The following STXBP5 variants were observed in gnomAD, a reference collection of about 807,000 sequenced individuals.
The protein encoded by STXBP5 is syntaxin-binding protein 5.
A neutral mutation model predicts 152.4 loss-of-function variants in STXBP5; 50 were observed. The ratio of observed to expected loss-of-function variants is 0.33; its 90% CI spans 0.26 to 0.42. The LOEUF (loss-of-function observed/expected upper bound fraction) is 0.42, where lower values mean the gene tolerates loss of function less well. Ranked by LOEUF, STXBP5 falls within the 10% of genes least tolerant of loss-of-function variation. The probability of loss-of-function intolerance (pLI) is 1.00; values close to 1 mark genes in which losing one functional copy is unlikely to be tolerated. For missense variants in STXBP5, 1,167 were observed against 1,388.6 expected (o/e 0.84, Z 2.54); for synonymous variants, 492 against 494.7 (o/e 0.99, Z 0.07).
intron 27 of STXBP5, 49 bp downstream of exon 27, chr6:147,383,047 G>C (rs1170658386): frequency 6.3e-7 from 1 of 1,580,844 alleles, no homozygotes; most frequent in South Asian, 1.1e-5. Flanking sequence ...GGTAAAGCAA[G>C]TGTGAATGTT....
chr6:147,298,532 T>C (rs1333085443), intron 9 of STXBP5, among the ~76,000 whole-genome samples: 9 of 152,084 alleles, frequency 5.9e-5, no homozygotes, highest in Non-Finnish European at 2.9e-5. Context: ...CAGATGCATA[T>C]TCTTCTGCAC....
chr6:147,212,689 C>T (rs572083595), intron 2 of STXBP5, among the ~76,000 whole-genome samples: 1 of 152,246 alleles, frequency 6.6e-6, no homozygotes, highest in South Asian at 2.1e-4. Context: ...CATACCATTG[C>T]GGCTCCCTCA....
chr6:147,317,642 A>AG (rs1431803931), intron 16 of STXBP5, among the ~76,000 whole-genome samples: 1 of 152,168 alleles, frequency 6.6e-6, no homozygotes, highest in African/African-American at 2.4e-5. Flanking sequence ...ATACCCATTG[A>AG]GGTTAAGCAG....
chr6:147,246,461 C>G (rs571178770), intron 4 of STXBP5, among the ~76,000 whole-genome samples: 1 of 152,132 alleles, frequency 6.6e-6, no homozygotes, highest in Admixed American at 6.5e-5. Context: ...GTTTGTAAAA[C>G]CTTTTCACAT....
intron 8 of STXBP5, among the ~76,000 whole-genome samples, chr6:147,282,219 C>T (rs1780735169): frequency 6.6e-6 from 1 of 152,020 alleles, no homozygotes; most frequent in Non-Finnish European, 1.5e-5. Context: ...ATTTATGATT[C>T]GTTTGGTGGA....
chr6:147,239,175 G>A lies in STXBP5; in HGVS notation c.336G>A (p.Ala112=), dbSNP rs775345899. 5.0e-6 allele frequency: 8 copies of A among 1,612,432 alleles called. No individual in the cohort carries two copies. Among genetic ancestry groups the A allele is most frequent in the South Asian group, 4.4e-5 (4 of 90,860 alleles). The stretch of plus-strand genomic sequence containing the variant: ...TGTTATACTTGATTTTTAAGGGAGC[G>A]CTTGTGAGTGCCTTGGCTGATGACA... ...IQLQFLINEG[A]LVSALADDTL... Residue 112 remains alanine, a synonymous_variant, in exon 4 of 28, where the codon GCG becomes GCA. Coordinates refer to ENST00000321680, the MANE Select transcript of STXBP5 (RefSeq NM_001127715.4).
intron 21 of STXBP5, among the ~76,000 whole-genome samples, chr6:147,347,162 C>A (rs1478619051): frequency 2.6e-5 from 4 of 152,048 alleles, no homozygotes; most frequent in East Asian, 3.8e-4. Flanking sequence ...TGTTTTAAAC[C>A]AATGATCTCA....
At chr6:147,219,151 G>A (rs188811557) in intron 2 of STXBP5, among the ~76,000 whole-genome samples, 1 of 152,206 alleles carries the variant, frequency 6.6e-6, no homozygotes, top group Non-Finnish European at 1.5e-5. Context: ...GTGTTTATCT[G>A]GAATGAGTGT....
At chr6:147,347,373 C>CA (rs143046913) in intron 21 of STXBP5, among the ~76,000 whole-genome samples, 11,860 of 152,084 alleles carry the variant, frequency 0.078, 1,231 homozygotes, top group East Asian at 0.29. Flanking sequence ...AGGAATACAG[C>CA]AGTCATTTTT....
In STXBP5 at chr6:147,349,023, A is replaced by G. The variant is rs1361916699; in HGVS notation, c.2255-4300A>G. On this transcript the variant is annotated intron_variant, in intron 21 of 27. Coordinates refer to ENST00000321680, the MANE Select transcript of STXBP5 (RefSeq NM_001127715.4). ...TGTTTCTTTATTGTCCAAATTTGCT[A>G]TGAAAACACATAATTCAAAATAACT... Among the ~76,000 whole-genome samples, 5 of 152,162 alleles carry G rather than the reference A, an allele frequency of 3.3e-5. No individual in the cohort carries two copies. The East Asian group carries it at 9.6e-4, about 29-fold the overall frequency.
intron 23 of STXBP5, among the ~76,000 whole-genome samples, chr6:147,359,566 C>T (rs1335655732): frequency 6.6e-6 from 1 of 151,018 alleles, no homozygotes; most frequent in South Asian, 2.1e-4. Context: ...CCCACTAACT[C>T]GTCATCTAGC....
At chr6:147,272,285 A>G (rs192782210) in intron 7 of STXBP5, among the ~76,000 whole-genome samples, 1 of 152,202 alleles carries the variant, frequency 6.6e-6, no homozygotes, top group Non-Finnish European at 1.5e-5. Context: ...AAACTGGAAA[A>G]AAAATTATAA....
intron 4 of STXBP5, among the ~76,000 whole-genome samples, chr6:147,257,477 C>A (rs1366128143): frequency 6.6e-6 from 1 of 151,700 alleles, no homozygotes; most frequent in African/African-American, 2.4e-5. Context: ...CTAATAGACA[C>A]CAGCACTACA....
intron 21 of STXBP5, among the ~76,000 whole-genome samples, chr6:147,349,655 C>T (rs920243111): frequency 6.6e-6 from 1 of 152,158 alleles, no homozygotes; most frequent in African/African-American, 2.4e-5. Context: ...CCAGTTGACA[C>T]CTTGTGCCTA....
chr6:147,287,437 C>T (rs969594572), intron 8 of STXBP5, among the ~76,000 whole-genome samples: 41 of 151,600 alleles, frequency 2.7e-4, no homozygotes, highest in Non-Finnish European at 2.4e-4. Context: ...CTCCTGACCT[C>T]GTGATCCGCC....
intron 15 of STXBP5, 133 bp downstream of exon 15, chr6:147,315,868 ATC>A (rs1782616779): frequency 5.5e-6 from 4 of 733,338 alleles, no homozygotes; most frequent in Admixed American, 5.8e-5. Context: ...TTATATTATT[ATC>A]TCTCTTTTGT....
chr6:147,295,251 G>A (rs1781457618), intron 9 of STXBP5, among the ~76,000 whole-genome samples: 1 of 152,126 alleles, frequency 6.6e-6, no homozygotes, highest in Admixed American at 6.5e-5. Context: ...CTTTGGATGG[G>A]TTCAAATAGG....
At chr6:147,239,583 T>C (rs1753046200) in intron 4 of STXBP5, among the ~76,000 whole-genome samples, 1 of 152,338 alleles carries the variant, frequency 6.6e-6, no homozygotes, top group East Asian at 1.9e-4. Context: ...TTCCTGTAAC[T>C]TGTATTTACT....
intron 9 of STXBP5, chr6:147,292,216 A>AT (rs1781313707): frequency 2.2e-6 from 1 of 450,892 alleles, no homozygotes; most frequent in South Asian, 1.6e-5. Context: ...ATATATATAT[A>AT]AAAATGTCGT....
Sources: gnomAD v4.1 joint callset for allele counts (sites outside exome capture counted in the v4.1 genomes callset) on GRCh38, gnomAD v4.1.1 for gene constraint, MANE v1.5 for transcripts, NCBI Gene and HGNC (gene_info 2026-07-23, HGNC 2026-07-21) for gene names.